SLC19A1: variants seen among roughly 807,000 people sequenced by gnomAD.
SLC19A1 encodes solute carrier family 19 member 1, also known as reduced folate transporter.
SLC19A1 carries 37 observed loss-of-function variants against 35.3 expected under a neutral mutation model. That is an observed-to-expected ratio of 1.05 (90% CI 0.81 to 1.38). The LOEUF (loss-of-function observed/expected upper bound fraction) is 1.38. SLC19A1 is among the 40% of genes most tolerant of loss of function. SLC19A1 has a pLI of 0.00. For missense variants in SLC19A1, 831 were observed against 826.9 expected, an observed-to-expected ratio of 1.00 and a Z score of -0.06; for synonymous variants, 460 against 398.5, an observed-to-expected ratio of 1.15 and a Z score of -1.84.
rs1432886551 is a variant in SLC19A1, at chr21:45,514,381, T to G, written c.*1277A>C. ...CCATCTTCCACGTGCAGCCTCTGCC[T>G]CAACCCAGGGTACCCCAAGATGCCT... On this transcript the variant is annotated 3_prime_UTR_variant, in exon 6 of 6. Coordinates refer to ENST00000311124, the MANE Select transcript of SLC19A1 (RefSeq NM_194255.4). 1 of 152,324 alleles carries G rather than the reference T, an allele frequency of 6.6e-6. No individual in the cohort carries two copies. Among genetic ancestry groups the G allele is most frequent in the East Asian group, 1.9e-4 (1 of 5,178 alleles). The allele number at this position is 152,324 out of a possible 1,614,324, so 9.4% of individuals were successfully genotyped here.
At chr21:45,558,242 G>A (rs149385415) in intron 1 of SLC19A1, among the ~76,000 whole-genome samples, 29 of 152,312 alleles carry the variant, frequency 1.9e-4, no homozygotes, top group Middle Eastern at 3.4e-3. Flanking sequence ...CATCCAAGAC[G>A]ACAGGCTGAG....
intron 1 of SLC19A1, among the ~76,000 whole-genome samples, chr21:45,549,973 A>C (rs2078449931): frequency 6.6e-6 from 1 of 151,892 alleles, no homozygotes; most frequent in South Asian, 2.1e-4. Context: ...GCCCCAGGGC[A>C]GCCCTCCCAG....
chr21:45,520,380 GAAGA>G (rs2077401701), intron 5 of SLC19A1, among the ~76,000 whole-genome samples: 1 of 152,034 alleles, frequency 6.6e-6, no homozygotes, highest in Non-Finnish European at 1.5e-5. Flanking sequence ...GATCAGAAAG[GAAGA>G]AATATTTGCA....
chr21:45,519,965 G>A (rs986883101), intron 5 of SLC19A1, among the ~76,000 whole-genome samples: 1 of 152,136 alleles, frequency 6.6e-6, no homozygotes, highest in African/African-American at 2.4e-5. Context: ...TGGGTCATAA[G>A]ACAAATCTTA....
chr21:45,532,053 C>G lies in SLC19A1; in HGVS notation c.285G>C (p.Val95=). 1 of 1,612,618 alleles carries G rather than the reference C, an allele frequency of 6.2e-7. No individual in the cohort carries two copies. Among genetic ancestry groups the G allele is most frequent in the Non-Finnish European group, 8.5e-7 (1 of 1,179,906 alleles). ...LLTDYLRYTP[V]LLLQGLSFVS... ...CGAAGCTGAGCCCCTGCAGCAGCAG[C>G]ACCGGCGTGTAGCGCAGGTAGTCGG... is the stretch of plus-strand genomic sequence containing the variant. Residue 95 remains valine, a synonymous_variant, in exon 3 of 6, where the codon GTG becomes GTC. Coordinates refer to ENST00000311124, the MANE Select transcript of SLC19A1 (RefSeq NM_194255.4).
At chr21:45,518,884 C>T (rs59511485) in intron 5 of SLC19A1, among the ~76,000 whole-genome samples, 165 of 152,218 alleles carry the variant, frequency 1.1e-3, no homozygotes, top group African/African-American at 3.6e-3. Flanking sequence ...AACAAGTTCT[C>T]TAAACAGAAA....
At chr21:45,555,781 C>A (rs192263100) in intron 1 of SLC19A1, among the ~76,000 whole-genome samples, 1 of 151,912 alleles carries the variant, frequency 6.6e-6, no homozygotes, top group East Asian at 1.9e-4. Context: ...CCGCGCCAGC[C>A]GAGGGGCCCG....
Position 45,556,572 on chromosome 21 carries a change from AAACT to A in SLC19A1, c.-50+6166_-50+6169del, listed in dbSNP as rs1201387722. Among the ~76,000 whole-genome samples, 6 of 152,404 alleles carry A rather than the reference AAACT, an allele frequency of 3.9e-5. No individual in the cohort carries two copies. In the East Asian group the frequency reaches 5.8e-4, roughly 15 times the overall value. On this transcript the variant is annotated intron_variant, in intron 1 of 5. Coordinates refer to the SLC19A1 transcript ENST00000650808. ...AAATTGATTAAATTTGTACTAATTA[AAACT>A]AACTGAATTCTTCTCAAAACACCGT...
chr21:45,530,704 C>A lies in SLC19A1; in HGVS notation c.1151+66G>T. 1 of 1,485,638 alleles carries A rather than the reference C, an allele frequency of 6.7e-7. No individual in the cohort carries two copies. 92.0% of individuals were successfully genotyped at this position (1,485,638 alleles called of 1,614,324 possible). On this transcript the variant is annotated intron_variant, in intron 4 of 5. Coordinates refer to ENST00000311124, the MANE Select transcript of SLC19A1 (RefSeq NM_194255.4). This position sits in a 1 kb window ranked among gnomAD's most constrained non-coding sequence, Gnocchi z 5.3. ...GGCGCAGCAGGAAGGTGGGAGCACC[C>A]AGCGAAGCGCGGGGCTTGATCCTGG... is the stretch of plus-strand genomic sequence containing the variant.
In SLC19A1 at chr21:45,525,966, G is replaced by T; in HGVS notation, c.1152-8C>A. 1 of 1,612,522 alleles carries T rather than the reference G, an allele frequency of 6.2e-7. No individual in the cohort carries two copies. ...GAAGATGCAATCTGAAAGCTGAACG[G>T]GAAGAGCGGGCAGATCAGGCGCTGC... On this transcript the variant is annotated splice_polypyrimidine_tract_variant and splice_region_variant and intron_variant, in intron 4 of 5. Transcript: ENST00000311124.
At chr21:45,532,213 C>A in intron 2 of SLC19A1, 65 bp from the exon 3 acceptor site, 1 of 1,383,724 alleles carries the variant, frequency 7.2e-7, no homozygotes, top group South Asian at 1.3e-5. Context: ...CAGACACAGC[C>A]CGCCCGAGGT....
chr21:45,558,368 C>G lies in SLC19A1; in HGVS notation c.-50+4374G>C, dbSNP rs139713655. ...TGCAGCTCTGGCTGCTGAGAAATCC[C>G]CAGTGGGCCCTTCAATCTTTGAAGG... is the stretch of plus-strand genomic sequence containing the variant. On this transcript the variant is annotated intron_variant, in intron 1 of 5. Coordinates refer to the SLC19A1 transcript ENST00000650808. Among the ~76,000 whole-genome samples the G allele has an allele frequency of 3.5e-3, 532 of 152,364 alleles. 6 individuals carry two copies. The highest frequency in any genetic ancestry group is 0.012 in the African/African-American group (501 of 41,582).
At chr21:45,520,954 A>T (rs539459970) in intron 5 of SLC19A1, among the ~76,000 whole-genome samples, 2 of 150,100 alleles carry the variant, frequency 1.3e-5, no homozygotes, top group African/African-American at 4.9e-5. Context: ...CAGGAGGAGG[A>T]GGTTGCGGTG....
Position 45,512,728 on chromosome 21 carries a change from G to A in SLC19A1, c.*2930C>T, listed in dbSNP as rs1346582249. 4 of 419,174 alleles carry A rather than the reference G, an allele frequency of 9.5e-6. No homozygotes were observed. In the Admixed American group the frequency reaches 1.5e-4, roughly 16 times the overall value. The allele number at this position is 419,174 out of a possible 1,614,324, so 26.0% of individuals were successfully genotyped here. A position where few individuals can be genotyped will look rare whatever the true frequency, so the allele number is the denominator to read the frequency against. The stretch of plus-strand genomic sequence containing the variant: ...CGGCTCGATTTCTCCAGGATTTCCT[G>A]CTTTGGGAAGCCGTGCTCGCCCCAG... On this transcript the variant is annotated 3_prime_UTR_variant, in exon 6 of 6. Coordinates refer to ENST00000311124, the MANE Select transcript of SLC19A1 (RefSeq NM_194255.4).
downstream of SLC19A1, among the ~76,000 whole-genome samples, chr21:45,509,888 C>G (rs897209047): frequency 6.6e-5 from 10 of 152,206 alleles, no homozygotes; most frequent in African/African-American, 2.2e-4. Flanking sequence ...CTGCTCTGAC[C>G]TGGCAGCGTA....
chr21:45,511,164 G>A (rs760334785), downstream of SLC19A1: 20 of 1,600,788 alleles, frequency 1.2e-5, no homozygotes, highest in Middle Eastern at 1.6e-4. Flanking sequence ...CTGAGGGTCC[G>A]CTGAAGCCCG....
At chr21:45,503,880 T>A in intron 3 of SLC19A1, 2 of 822,824 alleles carry the variant, frequency 2.4e-6, no homozygotes, top group Non-Finnish European at 4.1e-6. Context: ...AGAACCTAAT[T>A]AAATACGCGA....
downstream of SLC19A1, chr21:45,509,446 C>T (rs749258477): frequency 1.3e-5 from 20 of 1,533,308 alleles, no homozygotes; most frequent in Middle Eastern, 2.0e-4. Context: ...CCCCACCGCG[C>T]GGCCCTGGCG....
rs1014617525 is a variant in SLC19A1 at position 45,505,249 on chromosome 21, C to A, written c.498-6637G>T. ...CCCGGCCCCCCAGGCCCCCCAGGGCCCCCTTCATTTCCTGGCCCTCACAGG... is the reference window on the plus strand; with the variant it reads ...CCCGGCCCCCCAGGCCCCCCAGGGCACCCTTCATTTCCTGGCCCTCACAGG... On this transcript the variant is annotated intron_variant, in intron 3 of 4. Coordinates refer to the SLC19A1 transcript ENST00000417954. 3.1e-6 allele frequency: 5 copies of A among 1,606,668 alleles called. No homozygotes were observed. Among genetic ancestry groups the A allele is most frequent in the Non-Finnish European group, 4.3e-6 (5 of 1,175,934 alleles).
Sources: allele counts gnomAD v4.1 joint callset (sites outside exome capture counted in the v4.1 genomes callset), GRCh38; gene constraint gnomAD v4.1.1; non-coding constraint Gnocchi (gnomAD v3.1); transcripts MANE v1.5; gene names NCBI Gene and HGNC (gene_info 2026-07-23, HGNC 2026-07-21).